WDR59: variants seen among roughly 807,000 people sequenced by gnomAD.
WDR59 encodes the protein WD repeat domain 59.
Under a neutral mutation model 131.2 loss-of-function variants are expected in WDR59, and 100 were observed. The ratio of observed to expected loss-of-function variants is 0.76; its 90% CI spans 0.65 to 0.90. WDR59 has a LOEUF of 0.90. Ranked by LOEUF, WDR59 falls within the 40% of genes least tolerant of loss-of-function variation. The pLI is 0.00. For synonymous variants in WDR59, 601 were observed against 466.2 expected (o/e 1.29, Z -3.72); for missense variants, 1,203 against 1,262.2 (o/e 0.95, Z 0.71).
intron 13 of WDR59, among the ~76,000 whole-genome samples, chr16:74,912,726 T>G (rs1399363894): frequency 6.6e-6 from 1 of 152,180 alleles, no homozygotes; most frequent in African/African-American, 2.4e-5. Flanking sequence ...GATTTACCCA[T>G]GTATTTATCC....
intron 14 of WDR59, among the ~76,000 whole-genome samples, chr16:74,911,304 G>A (rs887897558): frequency 6.6e-6 from 1 of 152,146 alleles, no homozygotes; most frequent in African/African-American, 2.4e-5. Context: ...AATACCACAA[G>A]ATCTGAGTTA....
intron 10 of WDR59, 95 bp from the exon 11 acceptor site, chr16:74,918,103 A>G (rs1966481707): frequency 8.6e-7 from 1 of 1,164,602 alleles, no homozygotes; most frequent in Non-Finnish European, 1.3e-6. Context: ...CATCCATTCA[A>G]CAAACATCTA....
At chr16:74,918,438 T>C (rs778492224) in intron 10 of WDR59, among the ~76,000 whole-genome samples, 2 of 152,258 alleles carry the variant, frequency 1.3e-5, no homozygotes, top group Non-Finnish European at 2.9e-5. Context: ...TCCTTTTACA[T>C]GCTCTCGAAG....
intron 1 of WDR59, among the ~76,000 whole-genome samples, chr16:74,981,648 A>ATT (rs2034425190): frequency 6.2e-4 from 2 of 3,216 alleles, no homozygotes; most frequent in South Asian, 0.015. Context: ...ATATATATAT[A>ATT]TATATATATA....
At chr16:74,879,242 C>G (rs1964364490) in intron 25 of WDR59, among the ~76,000 whole-genome samples, 1 of 152,150 alleles carries the variant, frequency 6.6e-6, no homozygotes, top group African/African-American at 2.4e-5. Flanking sequence ...CCTGTGGTCC[C>G]AGCTACTTAG....
intron 14 of WDR59, 85 bp downstream of exon 14, chr16:74,912,113 C>A: frequency 6.4e-7 from 1 of 1,574,536 alleles, no homozygotes; most frequent in Non-Finnish European, 8.7e-7. Flanking sequence ...CGAATCTCAT[C>A]TACTGGAGTT....
chr16:74,901,878 C>T (rs1965571089), intron 18 of WDR59, among the ~76,000 whole-genome samples: 2 of 75,328 alleles, frequency 2.7e-5, no homozygotes, highest in Admixed American at 1.7e-4. Flanking sequence ...CCCCCTTGGC[C>T]CCTACATAAA....
chr16:74,945,815 CTTT>C (rs777336166), intron 6 of WDR59, among the ~76,000 whole-genome samples: 4 of 132,976 alleles, frequency 3.0e-5, no homozygotes, highest in Non-Finnish European at 4.8e-5. Context: ...ATTCACATAA[CTTT>C]TTTTTTTTTT....
chr16:74,912,120 A>G (rs748680858), intron 14 of WDR59, 78 bp downstream of exon 14: 11 of 1,584,984 alleles, frequency 6.9e-6, no homozygotes, highest in Non-Finnish European at 1.7e-6. Flanking sequence ...CATCTACTGG[A>G]GTTTTCATTC....
At chr16:74,965,186 A>G (rs533290383) in intron 2 of WDR59, among the ~76,000 whole-genome samples, 1 of 152,314 alleles carries the variant, frequency 6.6e-6, no homozygotes, top group East Asian at 1.9e-4. Flanking sequence ...ACTACAGGCC[A>G]TGCCTGGCTT....
At chr16:74,977,574 G>A (rs1396513387) in intron 1 of WDR59, among the ~76,000 whole-genome samples, 1 of 152,110 alleles carries the variant, frequency 6.6e-6, no homozygotes, top group Non-Finnish European at 1.5e-5. Flanking sequence ...TGTAGTCCCA[G>A]CCACTCGGGA....
intron 4 of WDR59, among the ~76,000 whole-genome samples, chr16:74,950,170 C>T (rs565871044): frequency 3.3e-5 from 5 of 151,950 alleles, no homozygotes; most frequent in African/African-American, 1.2e-4. Context: ...GGTGAAACCC[C>T]GTCTCTACTA....
At chr16:74,933,212 G>C (rs1386086443) in intron 8 of WDR59, among the ~76,000 whole-genome samples, 1 of 152,146 alleles carries the variant, frequency 6.6e-6, no homozygotes. Flanking sequence ...GAGGTGGGAG[G>C]ATCACTTGAG....
chr16:74,883,235 G>A (rs1157814439), intron 25 of WDR59, among the ~76,000 whole-genome samples: 1 of 151,876 alleles, frequency 6.6e-6, no homozygotes, highest in Non-Finnish European at 1.5e-5. Context: ...ATGTCGGCCA[G>A]GATGGTCTCA....
chr16:74,962,754 C>T (rs1265629052), intron 2 of WDR59: 1 of 146,942 alleles, frequency 6.8e-6, no homozygotes, highest in Non-Finnish European at 1.5e-5. Flanking sequence ...GACTTCCTCT[C>T]TATTTATTTT....
At chr16:74,878,680 AAAG>A (rs1964333691) in intron 25 of WDR59, among the ~76,000 whole-genome samples, 1 of 152,172 alleles carries the variant, frequency 6.6e-6, no homozygotes, top group Non-Finnish European at 1.5e-5. Flanking sequence ...ACAAAAGTAA[AAAG>A]AAAATATAGT....
intron 8 of WDR59, among the ~76,000 whole-genome samples, chr16:74,931,056 T>C (rs897093637): frequency 6.6e-6 from 1 of 152,046 alleles, no homozygotes; most frequent in Non-Finnish European, 1.5e-5. Context: ...ACTATGTAGT[T>C]TGATAATTTG....
intron 8 of WDR59, among the ~76,000 whole-genome samples, chr16:74,927,025 G>A (rs1368697585): frequency 2.6e-5 from 4 of 152,084 alleles, no homozygotes; most frequent in Admixed American, 1.3e-4. Context: ...ACATATGAAC[G>A]GGCAAACACC....
chr16:74,919,480 G>C lies in WDR59; in HGVS notation c.887-1472C>G, dbSNP rs141350006. ...CCAGGGTGGCTGAGATTACAGGCAC[G>C]TGCCACCACACCTGGCTAATTTTTT... On this transcript the variant is annotated intron_variant, in intron 10 of 25. Coordinates refer to ENST00000262144, the MANE Select transcript of WDR59 (RefSeq NM_030581.4). 2.7e-3 allele frequency among the ~76,000 whole-genome samples: 410 copies of C among 150,586 alleles called. 5 individuals are homozygous for C. The highest frequency in any genetic ancestry group is 0.017 in the Middle Eastern group (5 of 294).
Sources: gnomAD v4.1 joint callset for allele counts (sites outside exome capture counted in the v4.1 genomes callset) on GRCh38, gnomAD v4.1.1 for gene constraint, MANE v1.5 for transcripts, NCBI Gene and HGNC (gene_info 2026-07-23, HGNC 2026-07-21) for gene names.